MAML3: variants seen among roughly 807,000 people sequenced by gnomAD.
MAML3 encodes the protein mastermind-like protein 3.
MAML3 carries 27 observed loss-of-function variants against 101.9 expected under a neutral mutation model. The observed-to-expected ratio is 0.27, with a 90% CI of 0.20 to 0.37. The LOEUF is 0.37. Ranked by LOEUF, MAML3 falls within the 10% of genes least tolerant of loss-of-function variation. The pLI, the probability that MAML3 is intolerant of heterozygous loss-of-function variation, is 1.00. For synonymous variants in MAML3, 501 were observed against 555.9 expected (o/e 0.90, Z 1.39); for missense variants, 1,316 against 1,444.9 (o/e 0.91, Z 1.45).
intron 2 of MAML3, among the ~76,000 whole-genome samples, chr4:139,886,432 C>G (rs1342109376): frequency 1.3e-5 from 2 of 152,030 alleles, no homozygotes; most frequent in African/African-American, 2.4e-5. Context: ...AATAATCACT[C>G]ATAATTTTTC....
At chr4:139,747,239 G>C (rs1400326446) in intron 2 of MAML3, among the ~76,000 whole-genome samples, 1 of 152,194 alleles carries the variant, frequency 6.6e-6, no homozygotes, top group Non-Finnish European at 1.5e-5. Context: ...CACTGAGGAA[G>C]GAAATGTAAC....
intron 1 of MAML3, among the ~76,000 whole-genome samples, chr4:139,999,035 A>G (rs995921070): frequency 2.0e-5 from 3 of 152,212 alleles, no homozygotes; most frequent in Non-Finnish European, 4.4e-5. Context: ...AGTAGATATC[A>G]GCCTATGCTT....
chr4:140,094,285 A>C (rs1728112810), intron 1 of MAML3, among the ~76,000 whole-genome samples: 2 of 152,252 alleles, frequency 1.3e-5, no homozygotes, highest in African/African-American at 4.8e-5. Context: ...TGTACACGTC[A>C]TCTTGAGCTG....
chr4:139,961,187 T>A (rs974960062), intron 1 of MAML3, among the ~76,000 whole-genome samples: 2 of 152,230 alleles, frequency 1.3e-5, no homozygotes, highest in Non-Finnish European at 2.9e-5. Context: ...TTCTTGCCTC[T>A]GCAATTTTGC....
rs28409956 is a variant in MAML3 at position 139,735,909 on chromosome 4, G to A, written c.2080-5242C>T. 0.036 allele frequency among the ~76,000 whole-genome samples: 5,422 copies of A among 152,006 alleles called. 239 individuals carry two copies. The highest frequency in any genetic ancestry group is 0.16 in the East Asian group (828 of 5,132). ...GAGGGGCCCTGGAGGTCCTCGGCCC[G>A]CGCGCGCCGCTCGGGAGCCCGCGAG... On this transcript the variant is annotated intron_variant, in intron 2 of 4. Coordinates refer to ENST00000509479, the MANE Select transcript of MAML3 (RefSeq NM_018717.5). The surrounding 1 kb of genome is among the most constrained non-coding windows in gnomAD (Gnocchi z 5.8).
intron 1 of MAML3, among the ~76,000 whole-genome samples, chr4:140,035,508 G>A (rs989897020): frequency 1.3e-5 from 2 of 152,078 alleles, no homozygotes; most frequent in African/African-American, 4.8e-5. Flanking sequence ...CCATTAAAAT[G>A]CTAACATTGC....
At chr4:140,151,221 GGGAGGAGGAAGA>G (rs1267593508) in intron 1 of MAML3, among the ~76,000 whole-genome samples, 1 of 152,120 alleles carries the variant, frequency 6.6e-6, no homozygotes, top group African/African-American at 2.4e-5. Flanking sequence ...GAAGGGGAGG[GGGAGGAGGAAGA>G]GGAGGAGGGA....
intron 2 of MAML3, among the ~76,000 whole-genome samples, chr4:139,753,956 G>C (rs1318827874): frequency 6.6e-6 from 1 of 152,158 alleles, no homozygotes; most frequent in Non-Finnish European, 1.5e-5. Flanking sequence ...TGGGGTGGAG[G>C]GAGGGGTAAG....
At chr4:139,885,646 G>A (rs1332199505) in intron 2 of MAML3, among the ~76,000 whole-genome samples, 12 of 151,378 alleles carry the variant, frequency 7.9e-5, no homozygotes, top group East Asian at 5.8e-4. Flanking sequence ...AAAGTAGGCC[G>A]GGCGCCGTGG....
intron 2 of MAML3, among the ~76,000 whole-genome samples, chr4:139,868,693 A>G (rs985427859): frequency 2.0e-5 from 3 of 152,248 alleles, no homozygotes; most frequent in African/African-American, 7.2e-5. Context: ...TGTGCAGAGT[A>G]TGTGGAACAA....
At chr4:140,046,231 T>A (rs1406441597) in intron 1 of MAML3, among the ~76,000 whole-genome samples, 1 of 152,222 alleles carries the variant, frequency 6.6e-6, no homozygotes, top group Non-Finnish European at 1.5e-5. Flanking sequence ...AAATTGCTGA[T>A]GTTAGACCCT....
At chr4:139,906,875 A>AT (rs146366681) in intron 1 of MAML3, among the ~76,000 whole-genome samples, 7,839 of 149,384 alleles carry the variant, frequency 0.052, 263 homozygotes, top group Admixed American at 0.088. Context: ...TTCAGAAGCA[A>AT]TTTTTTTTTT....
chr4:140,076,452 A>G (rs1727767517), intron 1 of MAML3, among the ~76,000 whole-genome samples: 1 of 152,132 alleles, frequency 6.6e-6, no homozygotes, highest in African/African-American at 2.4e-5. Context: ...GAGACAAATG[A>G]GACTTTTGTG....
chr4:139,808,067 G>A (rs575664849), intron 2 of MAML3, among the ~76,000 whole-genome samples: 42 of 152,228 alleles, frequency 2.8e-4, no homozygotes, highest in Middle Eastern at 3.4e-3. Flanking sequence ...CTCTATCCAC[G>A]GGCACAATGC....
chr4:140,130,619 T>C lies in MAML3; in HGVS notation c.468+22241A>G, dbSNP rs541889483. On this transcript the variant is annotated intron_variant, in intron 1 of 4. Transcript: ENST00000509479. ...TTGCATTTTTAAAGTATGCCTTGGT[T>C]TCACCATTGGGTAGCAGACGGATAA... Among the ~76,000 whole-genome samples the C allele has an allele frequency of 1.0e-3, 152 of 152,316 alleles. 1 individual carries two copies. Among genetic ancestry groups the C allele is most frequent in the African/African-American group, 3.0e-3 (124 of 41,556 alleles).
At chr4:139,897,709 A>G (rs1265188350) in intron 1 of MAML3, among the ~76,000 whole-genome samples, 1 of 152,124 alleles carries the variant, frequency 6.6e-6, no homozygotes, top group Non-Finnish European at 1.5e-5. Flanking sequence ...TTCTCCATAC[A>G]TTGTGAATCT....
chr4:139,894,451 A>G (rs1426770109), intron 1 of MAML3, among the ~76,000 whole-genome samples: 1 of 151,926 alleles, frequency 6.6e-6, no homozygotes, highest in Non-Finnish European at 1.5e-5. Flanking sequence ...CAGGGGCTAC[A>G]GTGAGCTGAG....
chr4:140,115,423 G>A (rs1394698367), intron 1 of MAML3, among the ~76,000 whole-genome samples: 1 of 152,148 alleles, frequency 6.6e-6, no homozygotes, highest in Non-Finnish European at 1.5e-5. Flanking sequence ...AATATGCAAA[G>A]CCACAAATAT....
At chr4:139,738,914 C>A (rs1330565043) in intron 2 of MAML3, among the ~76,000 whole-genome samples, 1 of 152,146 alleles carries the variant, frequency 6.6e-6, no homozygotes, top group Non-Finnish European at 1.5e-5. Flanking sequence ...CCTACTGATT[C>A]TTAACTAAGT....
Sources: gnomAD v4.1 joint callset for allele counts (sites outside exome capture counted in the v4.1 genomes callset) on GRCh38, gnomAD v4.1.1 for gene constraint, Gnocchi (gnomAD v3.1) non-coding constraint, MANE v1.5 for transcripts, NCBI Gene and HGNC (gene_info 2026-07-23, HGNC 2026-07-21) for gene names.